IQGAP2: variants seen among roughly 807,000 people sequenced by gnomAD.
IQGAP2 encodes the protein IQ motif containing GTPase activating protein 2, also known as ras GTPase-activating-like protein IQGAP2.
Under a neutral mutation model 201.3 loss-of-function variants are expected in IQGAP2, and 173 were observed. The observed-to-expected ratio is 0.86, with a 90% confidence interval of 0.76 to 0.98. The LOEUF (loss-of-function observed/expected upper bound fraction) is 0.98. IQGAP2 is among the 50% of genes least tolerant of loss of function. IQGAP2 has a pLI of 0.00. For synonymous variants in IQGAP2, 675 were observed against 673.9 expected (o/e 1.00, Z -0.03); for missense variants, 1,687 against 1,864.8 (o/e 0.90, Z 1.76).
chr5:76,574,001 A>C (rs1745298699), intron 4 of IQGAP2, among the ~76,000 whole-genome samples: 2 of 152,016 alleles, frequency 1.3e-5, no homozygotes, highest in South Asian at 4.1e-4. Flanking sequence ...TTCTTAGGCT[A>C]CTGCCATTTC....
At chr5:76,469,339 T>G (rs1056701059) in intron 2 of IQGAP2, among the ~76,000 whole-genome samples, 1 of 152,196 alleles carries the variant, frequency 6.6e-6, no homozygotes, top group Non-Finnish European at 1.5e-5. Flanking sequence ...CTGAAATTAT[T>G]GCTCAAACTT....
At chr5:76,699,405 G>A (rs1350029815) in intron 33 of IQGAP2, 1 of 152,186 alleles carries the variant, frequency 6.6e-6, no homozygotes, top group Non-Finnish European at 1.5e-5. Flanking sequence ...CTTAGCTAAC[G>A]TGTGAGTAGT....
chr5:76,533,367 T>C (rs1759430035), intron 2 of IQGAP2, among the ~76,000 whole-genome samples: 1 of 152,152 alleles, frequency 6.6e-6, no homozygotes, highest in African/African-American at 2.4e-5. Context: ...GCCAACACTT[T>C]ACAAAATTGA....
intron 9 of IQGAP2, among the ~76,000 whole-genome samples, chr5:76,593,830 T>C (rs1035031355): frequency 1.3e-5 from 2 of 152,142 alleles, no homozygotes; most frequent in African/African-American, 4.8e-5. Context: ...CCTCGTTGAG[T>C]TTTGAATATT....
At chr5:76,581,523 TC>T (rs1260957147) in intron 5 of IQGAP2, among the ~76,000 whole-genome samples, 1 of 152,182 alleles carries the variant, frequency 6.6e-6, no homozygotes, top group Non-Finnish European at 1.5e-5. Flanking sequence ...ACCATTCCTT[TC>T]CCTTTCCTCC....
chr5:76,439,616 T>C (rs2150102635), intron 1 of IQGAP2, among the ~76,000 whole-genome samples: 1 of 152,294 alleles, frequency 6.6e-6, no homozygotes, highest in East Asian at 1.9e-4. Context: ...TTTTTTTTTC[T>C]TTTTTACTGT....
In IQGAP2 at chr5:76,695,659, T is replaced by C. The variant is rs373452467; in HGVS notation, c.4199T>C (p.Ile1400Thr). 5.0e-6 allele frequency: 8 copies of C among 1,612,894 alleles called. No homozygotes were observed. The highest frequency in any genetic ancestry group is 6.8e-6 in the Non-Finnish European group (8 of 1,179,104). ...ENKYQDILNE[I>T]AKDIRNQRIY... is the part of the protein sequence containing the mutation. ...AAATACCAAGACATTCTCAATGAGA[T>C]TGCCAAGGTTTTTGGAAACAGTATT... The change falls in exon 32 of 36, where the codon ATT becomes ACT. Residue 1400 changes from isoleucine (I) to threonine (T), a missense_variant. Ile to Thr is a moderately conservative substitution (Grantham distance 89). Coordinates refer to ENST00000274364, the MANE Select transcript of IQGAP2 (RefSeq NM_006633.5).
At chr5:76,409,444 A>C (rs530362428) in intron 1 of IQGAP2, among the ~76,000 whole-genome samples, 5 of 151,256 alleles carry the variant, frequency 3.3e-5, no homozygotes, top group African/African-American at 1.2e-4. Context: ...ATGGGGTTTC[A>C]TCATGTCGGC....
intron 2 of IQGAP2, among the ~76,000 whole-genome samples, chr5:76,553,475 A>G (rs1423829029): frequency 6.6e-6 from 1 of 152,202 alleles, no homozygotes; most frequent in East Asian, 1.9e-4. Context: ...ACCAAGATTT[A>G]TAGTTGGTGA....
chr5:76,647,403 T>C (rs961681107), intron 17 of IQGAP2, among the ~76,000 whole-genome samples: 1 of 152,112 alleles, frequency 6.6e-6, no homozygotes, highest in Non-Finnish European at 1.5e-5. Flanking sequence ...CCCACCCGAA[T>C]CTCATCTTGA....
intron 2 of IQGAP2, among the ~76,000 whole-genome samples, chr5:76,551,301 GC>G (rs1432853258): frequency 6.6e-6 from 1 of 151,604 alleles, no homozygotes; most frequent in African/African-American, 2.4e-5. Flanking sequence ...ATGATGGGCG[GC>G]CGGGCAGAGA....
At chr5:76,650,779 A>G (rs1752457695) in intron 17 of IQGAP2, among the ~76,000 whole-genome samples, 1 of 152,092 alleles carries the variant, frequency 6.6e-6, no homozygotes, top group African/African-American at 2.4e-5. Context: ...CCGCTCCCTT[A>G]CTTTACTCTT....
At position 76,611,199 on chromosome 5, in the gene IQGAP2, T is replaced by A. The variant is rs756632784; in HGVS notation, c.1521+16T>A. 2 of 1,590,950 alleles carry A rather than the reference T, an allele frequency of 1.3e-6. No homozygotes were observed. The highest frequency in any genetic ancestry group is 3.5e-5 in the Admixed American group (2 of 56,404). On this transcript the variant is annotated intron_variant, in intron 13 of 35. Coordinates refer to ENST00000274364, the MANE Select transcript of IQGAP2 (RefSeq NM_006633.5). Reference sequence around the variant, plus strand: ...GAAACTCGGAGTAAGTTTTAGTATATCTGTTTCTTTTAAATTTTACAGGCT... The same window carrying A: ...GAAACTCGGAGTAAGTTTTAGTATAACTGTTTCTTTTAAATTTTACAGGCT...
intron 1 of IQGAP2, among the ~76,000 whole-genome samples, chr5:76,456,654 T>C (rs974961907): frequency 2.6e-5 from 4 of 152,232 alleles, no homozygotes; most frequent in African/African-American, 7.2e-5. Flanking sequence ...TCCTTTTAGG[T>C]ATTTTCTTCC....
chr5:76,506,635 G>A (rs1451331561), intron 2 of IQGAP2, among the ~76,000 whole-genome samples: 1 of 152,142 alleles, frequency 6.6e-6, no homozygotes. Context: ...ATACAAAAAT[G>A]TACATAATAT....
At chr5:76,596,151 C>T (rs552841786) in intron 9 of IQGAP2, among the ~76,000 whole-genome samples, 3 of 152,206 alleles carry the variant, frequency 2.0e-5, no homozygotes, top group East Asian at 3.9e-4. Context: ...GGAAGATCCT[C>T]GTGAATGTAT....
At chr5:76,503,132 T>A (rs571643034) in intron 2 of IQGAP2, among the ~76,000 whole-genome samples, 2 of 152,006 alleles carry the variant, frequency 1.3e-5, no homozygotes, top group Admixed American at 1.3e-4. Flanking sequence ...TCTTTATTTT[T>A]AAATTTTGCT....
intron 17 of IQGAP2, among the ~76,000 whole-genome samples, chr5:76,647,011 T>C (rs1391247649): frequency 1.3e-5 from 2 of 152,190 alleles, no homozygotes; most frequent in African/African-American, 2.4e-5. Context: ...ATAACTACCA[T>C]TGACACTTCT....
At chr5:76,434,092 A>G (rs550310636) in intron 1 of IQGAP2, among the ~76,000 whole-genome samples, 13 of 152,266 alleles carry the variant, frequency 8.5e-5, no homozygotes, top group South Asian at 4.1e-4. Context: ...CAAACCTTCA[A>G]TTTGCCACCG....
Sources: allele counts gnomAD v4.1 joint callset (sites outside exome capture counted in the v4.1 genomes callset), GRCh38; gene constraint gnomAD v4.1.1; transcripts MANE v1.5; gene names NCBI Gene and HGNC (gene_info 2026-07-23, HGNC 2026-07-21).